SLC26A8: variants seen among roughly 807,000 people sequenced by gnomAD.
The protein encoded by SLC26A8 is solute carrier family 26 member 8, also known as testis anion transporter 1.
In SLC26A8, 70 loss-of-function variants were observed where a neutral mutation model predicts 105.0. The ratio of observed to expected loss-of-function variants is 0.67; its 90% CI spans 0.55 to 0.81. The LOEUF is 0.81. SLC26A8 is among the 40% of genes least tolerant of loss of function. The pLI, the probability that SLC26A8 is intolerant of heterozygous loss-of-function variation, is 0.00. For synonymous variants in SLC26A8, 415 were observed against 438.3 expected (o/e 0.95, Z 0.66); for missense variants, 998 against 1,181.8 (o/e 0.84, Z 2.28).
At chr6:35,992,866 C>T (rs998505417) in intron 5 of SLC26A8, among the ~76,000 whole-genome samples, 192 bp from the exon 6 acceptor site, 1 of 152,136 alleles carries the variant, frequency 6.6e-6, no homozygotes, top group African/African-American at 2.4e-5. Flanking sequence ...CAGAGGCTCC[C>T]AACAAGTGCT....
chr6:36,003,363 C>G (rs892522182), intron 3 of SLC26A8, among the ~76,000 whole-genome samples: 1 of 152,132 alleles, frequency 6.6e-6, no homozygotes, highest in Non-Finnish European at 1.5e-5. Flanking sequence ...ATACGTGTGA[C>G]TCTTTTTTCT....
chr6:36,012,470 G>A, intron 2 of SLC26A8, 98 bp from the exon 3 acceptor site: 1 of 1,354,422 alleles, frequency 7.4e-7, no homozygotes, highest in East Asian at 2.4e-5. Context: ...AGAAAAAGTA[G>A]AGTCTTGTCA....
chr6:35,984,508 G>A (rs1773414296), intron 7 of SLC26A8, among the ~76,000 whole-genome samples: 2 of 151,886 alleles, frequency 1.3e-5, no homozygotes, highest in South Asian at 4.2e-4. Context: ...ATTTTTAGTA[G>A]AGATGGGGTT....
chr6:36,023,715 A>G (rs898495122), intron 1 of SLC26A8, among the ~76,000 whole-genome samples: 5 of 152,158 alleles, frequency 3.3e-5, no homozygotes, highest in Non-Finnish European at 5.9e-5. Flanking sequence ...GGAAAGGCAA[A>G]ATTTACTTCC....
intron 5 of SLC26A8, among the ~76,000 whole-genome samples, chr6:35,997,537 T>C (rs1238268708): frequency 6.6e-6 from 1 of 152,152 alleles, no homozygotes; most frequent in Non-Finnish European, 1.5e-5. Flanking sequence ...TCATCCTAAA[T>C]CAGTGGTAGA....
intron 10 of SLC26A8, chr6:35,969,178 CT>C (rs1406002808): frequency 8.0e-6 from 4 of 499,694 alleles, no homozygotes; most frequent in Non-Finnish European, 1.5e-5. Flanking sequence ...AAGATGCTCC[CT>C]GAAAAGCTCC....
rs1158554045 is a variant in SLC26A8, at chr6:36,012,278, C to T, written c.283G>A (p.Asp95Asn). 1 of 1,612,094 alleles carries T rather than the reference C, an allele frequency of 6.2e-7. No homozygotes were observed. The highest frequency in any genetic ancestry group is 8.5e-7 in the Non-Finnish European group (1 of 1,179,420). Residue 95 changes from aspartate to asparagine, a missense_variant, in exon 3 of 20, where the codon GAC (aspartate) becomes AAC (asparagine). By Grantham distance (23) the Asp-to-Asn change is conservative. Coordinates refer to ENST00000490799, the MANE Select transcript of SLC26A8 (RefSeq NM_052961.4). ...CCAACACTTATACCAGCAAGTAAGT[C>T]TCCCAGAAGCCAATCCTTTAATCGA... is the stretch of plus-strand genomic sequence containing the variant. ...MYRLKDWLLG[D>N]LLAGISVGLV...
Position 35,944,196 on chromosome 6 carries a change from C to T in SLC26A8, c.2617G>A (p.Gly873Ser), listed in dbSNP as rs777102610. Residue 873 changes from glycine (G) to serine (S), a missense_variant, in exon 20 of 20, where the codon GGT (glycine) becomes AGT (serine). Transcript: ENST00000490799. Reference sequence around the variant, plus strand: ...TCCCGATCCAGGTCTAGGTCCAGACCCAGCCCAGCCTCTTGTTCTGATTCC... The same window carrying T: ...TCCCGATCCAGGTCTAGGTCCAGACTCAGCCCAGCCTCTTGTTCTGATTCC... ...ELESEQEAGL[G>S]LDLDLDRELE... The T allele has an allele frequency of 3.7e-6, 6 of 1,613,864 alleles. No homozygotes were observed. The African/African-American group carries it at 5.3e-5, about 14-fold the overall frequency.
At chr6:35,993,315 CT>C (rs1761241194) in intron 5 of SLC26A8, among the ~76,000 whole-genome samples, 1 of 151,778 alleles carries the variant, frequency 6.6e-6, no homozygotes, top group South Asian at 2.1e-4. Context: ...CTGCCTTTGC[CT>C]TTTTAAACCT....
At chr6:36,006,425 A>G (rs1761687694) in intron 3 of SLC26A8, among the ~76,000 whole-genome samples, 2 of 152,148 alleles carry the variant, frequency 1.3e-5, no homozygotes, top group Admixed American at 6.6e-5. Flanking sequence ...CAGTTATGCA[A>G]TCATTTTTAT....
chr6:36,002,054 T>C (rs946589776), intron 3 of SLC26A8, among the ~76,000 whole-genome samples: 5 of 152,252 alleles, frequency 3.3e-5, no homozygotes, highest in African/African-American at 1.2e-4. Context: ...GATATGTCTC[T>C]TAAGTCTCTT....
intron 8 of SLC26A8, among the ~76,000 whole-genome samples, chr6:35,978,035 G>A (rs1773107561): frequency 6.8e-6 from 1 of 148,148 alleles, no homozygotes; most frequent in Non-Finnish European, 1.5e-5. Flanking sequence ...GCAGTGAGCA[G>A]AGATTGTGCC....
At chr6:35,959,910 A>AT (rs1562023389) in intron 14 of SLC26A8, 104 bp from the exon 15 acceptor site, 3 of 920,894 alleles carry the variant, frequency 3.3e-6, no homozygotes, top group Non-Finnish European at 4.8e-6. Flanking sequence ...CTTCTTTTTT[A>AT]TTTTTTTATT....
chr6:35,971,220 G>A (rs1230621033), intron 10 of SLC26A8, among the ~76,000 whole-genome samples: 1 of 152,200 alleles, frequency 6.6e-6, no homozygotes, highest in East Asian at 1.9e-4. Context: ...TGCGCCTCAG[G>A]AAGATGCTCG....
chr6:36,017,759 C>T (rs1762033894), intron 2 of SLC26A8, among the ~76,000 whole-genome samples: 1 of 152,124 alleles, frequency 6.6e-6, no homozygotes, highest in Non-Finnish European at 1.5e-5. Flanking sequence ...ATAAGATTTA[C>T]AAACATCTAT....
intron 10 of SLC26A8, among the ~76,000 whole-genome samples, chr6:35,972,340 G>A (rs1236147064): frequency 6.6e-6 from 1 of 150,982 alleles, no homozygotes; most frequent in Non-Finnish European, 1.5e-5. Flanking sequence ...GGGCTGAAGT[G>A]AGAAGATCAC....
At chr6:35,983,516 G>T (rs1773363399) in intron 7 of SLC26A8, among the ~76,000 whole-genome samples, 1 of 151,076 alleles carries the variant, frequency 6.6e-6, no homozygotes, top group Non-Finnish European at 1.5e-5. Flanking sequence ...TTGTTGCCTT[G>T]AAAATTTTCC....
At position 35,961,816 on chromosome 6, in the gene SLC26A8, C is replaced by T. The variant is rs139130987; in HGVS notation, c.1461+710G>A. The stretch of plus-strand genomic sequence containing the variant: ...CTTGCTGTTTCCCCTTTCTGACCTC[C>T]GGTTTTGTGCTCCAGAGAGGAGTGT... On this transcript the variant is annotated intron_variant, in intron 12 of 19. Transcript: ENST00000490799. 4.3e-3 allele frequency among the ~76,000 whole-genome samples: 656 copies of T among 152,318 alleles called. 4 individuals are homozygous for T. The highest frequency in any genetic ancestry group is 0.01 in the Middle Eastern group (3 of 294).
At chr6:36,000,571 C>G (rs2127357560) in intron 3 of SLC26A8, among the ~76,000 whole-genome samples, 1 of 152,288 alleles carries the variant, frequency 6.6e-6, no homozygotes, top group South Asian at 2.1e-4. Flanking sequence ...AGGCCAATCA[C>G]TCCAGCCTCT....
Sources: allele counts gnomAD v4.1 joint callset (sites outside exome capture counted in the v4.1 genomes callset), GRCh38; gene constraint gnomAD v4.1.1; transcripts MANE v1.5; gene names NCBI Gene and HGNC (gene_info 2026-07-23, HGNC 2026-07-21).